BSPRY: variants seen among roughly 807,000 people sequenced by gnomAD.
BSPRY encodes the protein B-box and SPRY domain containing.
A neutral mutation model predicts 38.0 loss-of-function variants in BSPRY; 33 were observed. That is an observed-to-expected ratio of 0.87 (90% confidence interval 0.66 to 1.16). The LOEUF (loss-of-function observed/expected upper bound fraction) is 1.16, where lower values mean the gene tolerates loss of function less well. Among genes scored for constraint, BSPRY ranks in the 50% most tolerant of loss-of-function variants. BSPRY has a pLI of 0.00. For synonymous variants in BSPRY, 224 were observed against 228.5 expected (o/e 0.98, Z 0.18); for missense variants, 523 against 533.2 (o/e 0.98, Z 0.19).
In BSPRY at chr9:113,362,380, A is replaced by G. The variant is rs1265628258; in HGVS notation, c.543A>G (p.Gln181=). 2 of 1,612,482 alleles carry G rather than the reference A, an allele frequency of 1.2e-6. No homozygotes were observed. The highest frequency in any genetic ancestry group is 3.3e-5 in the Admixed American group (2 of 59,958). ...LDDLQLIQKE[Q]EIFERTEEAE... is the part of the protein sequence containing the mutation. ...TTCTTTTCTCACAGCAGAAGGAGCA[A>G]GAGATTTTCGAGAGGTGAGTATAGA... Residue 181 remains glutamine (Q), a synonymous_variant, in exon 4 of 6, where the codon CAA becomes CAG. Transcript: ENST00000374183.
In BSPRY at chr9:113,360,508, G is replaced by A; in HGVS notation, c.302G>A (p.Ser101Asn). The change falls in exon 3 of 6, where the codon AGC (serine) becomes AAC (asparagine). Residue 101 changes from serine (S) to asparagine (N), a missense_variant and splice_region_variant. Transcript: ENST00000374183. ...ACTCCTCATTTTATCCCTCATTAGAGCATGGCCAGTGCAGCGAGGGAACTG... is the reference window on the plus strand; with the variant it reads ...ACTCCTCATTTTATCCCTCATTAGAACATGGCCAGTGCAGCGAGGGAACTG... ...VLPGKNQRAV[S>N]MASAARELVI... The A allele has an allele frequency of 1.3e-6, 2 of 1,590,762 alleles. No homozygotes were observed. Among genetic ancestry groups the A allele is most frequent in the Middle Eastern group, 2.1e-4 (1 of 4,672 alleles).
chr9:113,356,981 A>G (rs1221789137), intron 2 of BSPRY, among the ~76,000 whole-genome samples: 1 of 152,154 alleles, frequency 6.6e-6, no homozygotes, highest in Non-Finnish European at 1.5e-5. Flanking sequence ...GCTGGGTTGG[A>G]GATATAAATT....
Position 113,370,936 on chromosome 9 carries a change from C to T in BSPRY, c.*794C>T, listed in dbSNP as rs140973225. On this transcript the variant is annotated 3_prime_UTR_variant, in exon 6 of 6. Coordinates refer to ENST00000374183, the MANE Select transcript of BSPRY (RefSeq NM_017688.3). The surrounding 1 kb of genome is among the most constrained non-coding windows in gnomAD (Gnocchi z 4.8). ...TGCTCCTGGCCAGAGGACTCTGTCC[C>T]GGGGGACCGTGTCCTCCCCCATGTC... The T allele has an allele frequency of 2.0e-5, 3 of 152,334 alleles. No homozygotes were observed. Among genetic ancestry groups the T allele is most frequent in the East Asian group, 1.9e-4 (1 of 5,180 alleles). 9.4% of individuals were successfully genotyped at this position (152,334 alleles called of 1,614,324 possible). A position where few individuals can be genotyped will look rare whatever the true frequency, so the allele number is the denominator to read the frequency against.
intron 1 of BSPRY, among the ~76,000 whole-genome samples, chr9:113,351,627 GCA>G (rs1346561761): frequency 2.0e-4 from 30 of 152,294 alleles, no homozygotes; most frequent in African/African-American, 5.8e-4. Context: ...TGGAACTGAG[GCA>G]GAACTCTTAG....
intron 2 of BSPRY, among the ~76,000 whole-genome samples, chr9:113,358,374 TTCTCCTGCC>T (rs1834098535): frequency 6.6e-6 from 1 of 152,036 alleles, no homozygotes; most frequent in South Asian, 2.1e-4. Flanking sequence ...CTTCAAGCAA[TTCTCCTGCC>T]TCAGCCTCCT....
At chr9:113,360,851 A>G in intron 3 of BSPRY, 114 bp downstream of exon 3, 1 of 920,606 alleles carries the variant, frequency 1.1e-6, no homozygotes, top group South Asian at 1.7e-5. Context: ...TGGAGCAGGG[A>G]TGAGTGACAA....
chr9:113,370,428 CTG>C lies in BSPRY; in HGVS notation c.*290_*291del, dbSNP rs1294487709. 11 of 281,526 alleles carry C rather than the reference CTG, an allele frequency of 3.9e-5. No individual in the cohort carries two copies. Among genetic ancestry groups the C allele is most frequent in the Non-Finnish European group, 5.8e-5 (9 of 153,906 alleles). The allele number at this position is 281,526 out of a possible 1,614,324, so 17.4% of individuals were successfully genotyped here. ...GATGAGCTAAAAAAAAAAAAAAAGTCTGTGTATAATTTTTGTGATATCTGCCA... is the reference window on the plus strand; with the variant it reads ...GATGAGCTAAAAAAAAAAAAAAAGTCTGTATAATTTTTGTGATATCTGCCA... On this transcript the variant is annotated 3_prime_UTR_variant, in exon 6 of 6. Transcript: ENST00000374183. The surrounding 1 kb of genome is among the most constrained non-coding windows in gnomAD (Gnocchi z 4.8).
intron 2 of BSPRY, among the ~76,000 whole-genome samples, chr9:113,356,870 C>T (rs1439916084): frequency 6.6e-6 from 1 of 152,094 alleles, no homozygotes; most frequent in Admixed American, 6.6e-5. Flanking sequence ...TGGGGGAGAG[C>T]AGGCATGCTA....
intron 4 of BSPRY, 72 bp downstream of exon 4, chr9:113,362,466 C>CA (rs994799798): frequency 1.3e-6 from 2 of 1,493,182 alleles, no homozygotes; most frequent in Non-Finnish European, 1.9e-6. Context: ...CCACTGCCTT[C>CA]AGCCCTGCTG....
chr9:113,362,525 C>G (rs1834173371), intron 4 of BSPRY, 131 bp downstream of exon 4: 2 of 943,892 alleles, frequency 2.1e-6, no homozygotes, highest in Non-Finnish European at 1.7e-6. Flanking sequence ...TTTCTGGAGC[C>G]TGGCTCTGTG....
chr9:113,349,887 G>A (rs1833944307), intron 1 of BSPRY, 107 bp downstream of exon 1: 3 of 1,177,330 alleles, frequency 2.5e-6, no homozygotes, highest in South Asian at 4.3e-5. Flanking sequence ...CTCGACACCC[G>A]GCCCCGGAGC....
intron 5 of BSPRY, 117 bp from the exon 6 acceptor site, chr9:113,369,499 T>G: frequency 9.5e-7 from 1 of 1,057,146 alleles, no homozygotes; most frequent in Non-Finnish European, 1.4e-6. Context: ...TCAGAGAGAG[T>G]AAATGGCTTA....
In BSPRY at chr9:113,360,170, G is replaced by T. The variant is rs557396302; in HGVS notation, c.301-337G>T. 5.3e-5 allele frequency among the ~76,000 whole-genome samples: 8 copies of T among 152,264 alleles called. No homozygotes were observed. The South Asian group carries it at 1.2e-3, about 24-fold the overall frequency. ...CTGCTCTGCAATTCTGTGATTCTCT[G>T]ACCTTGATCCTTTGACCTTGTATTC... is the stretch of plus-strand genomic sequence containing the variant. On this transcript the variant is annotated intron_variant, in intron 2 of 5. Coordinates refer to ENST00000374183, the MANE Select transcript of BSPRY (RefSeq NM_017688.3).
chr9:113,364,054 C>G (rs554574076), intron 4 of BSPRY, among the ~76,000 whole-genome samples: 1 of 151,298 alleles, frequency 6.6e-6, no homozygotes, highest in Admixed American at 6.6e-5. Flanking sequence ...GGTGCGGTAG[C>G]GTACCCCTGT....
At chr9:113,360,093 C>T (rs772867661) in intron 2 of BSPRY, among the ~76,000 whole-genome samples, 8 of 152,154 alleles carry the variant, frequency 5.3e-5, no homozygotes, top group Non-Finnish European at 1.0e-4. Flanking sequence ...GAAATATCAA[C>T]TGTACCACTG....
At chr9:113,358,378 C>G (rs568174864) in intron 2 of BSPRY, among the ~76,000 whole-genome samples, 1 of 152,034 alleles carries the variant, frequency 6.6e-6, no homozygotes, top group Non-Finnish European at 1.5e-5. Context: ...AAGCAATTCT[C>G]CTGCCTCAGC....
chr9:113,370,088 G>GA lies in BSPRY; in HGVS notation c.1155_1156insA (p.Pro386ThrfsTer45). 1 of 1,608,730 alleles carries GA rather than the reference G, an allele frequency of 6.2e-7. No homozygotes were observed. Among genetic ancestry groups the GA allele is most frequent in the Non-Finnish European group, 8.5e-7 (1 of 1,177,634 alleles). On this transcript the variant is annotated frameshift_variant, in exon 6 of 6. Transcript: ENST00000374183. LOFTEE classifies it high-confidence loss of function. This position sits in a 1 kb window ranked among gnomAD's most constrained non-coding sequence, Gnocchi z 4.8. ...GTGCCCATCATGTGTCCTTCCCGGGGCCCCTCTTCCCAGTCTTTGCTGTGG... is the reference window on the plus strand; with the variant it reads ...GTGCCCATCATGTGTCCTTCCCGGGGACCCCTCTTCCCAGTCTTTGCTGTGG...
chr9:113,364,662 C>G (rs1259637963), intron 4 of BSPRY, among the ~76,000 whole-genome samples: 1 of 151,878 alleles, frequency 6.6e-6, no homozygotes, highest in East Asian at 1.9e-4. Context: ...ATTTATCTAT[C>G]TAGTATATAT....
In BSPRY at chr9:113,360,769, T is replaced by C. The variant is rs997571705; in HGVS notation, c.531+32T>C. ...CAGGCAAGGGTGAGGGCATGACCAGTTGGCCAGGCTCCCCAAAAGCCTGAA... is the reference window on the plus strand; with the variant it reads ...CAGGCAAGGGTGAGGGCATGACCAGCTGGCCAGGCTCCCCAAAAGCCTGAA... On this transcript the variant is annotated intron_variant, in intron 3 of 5. Coordinates refer to ENST00000374183, the MANE Select transcript of BSPRY (RefSeq NM_017688.3). 2.0e-6 allele frequency: 3 copies of C among 1,513,196 alleles called. No individual in the cohort carries two copies. In the African/African-American group the frequency reaches 4.1e-5, roughly 21 times the overall value. 93.7% of individuals were successfully genotyped at this position (1,513,196 alleles called of 1,614,324 possible).
Sources: allele counts gnomAD v4.1 joint callset (sites outside exome capture counted in the v4.1 genomes callset), GRCh38; gene constraint gnomAD v4.1.1; non-coding constraint Gnocchi (gnomAD v3.1); transcripts MANE v1.5; gene names NCBI Gene and HGNC (gene_info 2026-07-23, HGNC 2026-07-21).